Variants in DLEU7 observed in about 807,000 individuals in gnomAD.
DLEU7 encodes the protein deleted in lymphocytic leukemia 7.
A neutral mutation model predicts 16.0 loss-of-function variants in DLEU7; 17 were observed. The ratio of observed to expected loss-of-function variants is 1.06; its 90% confidence interval spans 0.73 to 1.59. The LOEUF is 1.59. Among genes scored for constraint, DLEU7 ranks in the 40% most tolerant of loss-of-function variants. The pLI, the probability that DLEU7 is intolerant of heterozygous loss-of-function variation, is 0.00. For missense variants in DLEU7, 308 were observed against 314.9 expected (o/e 0.98, Z 0.17); for synonymous variants, 113 against 139.8 (o/e 0.81, Z 1.35).
chr13:50,787,568 T>C (rs1158334004), intron 1 of DLEU7, among the ~76,000 whole-genome samples: 1 of 152,090 alleles, frequency 6.6e-6, no homozygotes, highest in Non-Finnish European at 1.5e-5. Context: ...CCTTGCATCT[T>C]TGCTGACACC....
At chr13:50,787,634 C>G (rs528520367) in intron 1 of DLEU7, among the ~76,000 whole-genome samples, 23 of 152,168 alleles carry the variant, frequency 1.5e-4, no homozygotes, top group African/African-American at 5.3e-4. Flanking sequence ...CCCTGCTGTT[C>G]CTACTTTCCA....
chr13:50,725,132 T>C (rs1277653607), intron 1 of DLEU7, among the ~76,000 whole-genome samples: 1 of 152,092 alleles, frequency 6.6e-6, no homozygotes, highest in Non-Finnish European at 1.5e-5. Flanking sequence ...CTCTCCCTGG[T>C]GCCAGCAGTG....
chr13:50,831,277 T>C (rs1323693565), intron 1 of DLEU7, among the ~76,000 whole-genome samples: 1 of 152,098 alleles, frequency 6.6e-6, no homozygotes, highest in African/African-American at 2.4e-5. Context: ...AAGATTAAGG[T>C]TCAACAACAA....
At chr13:50,743,633 A>C (rs925570655) in intron 1 of DLEU7, among the ~76,000 whole-genome samples, 2 of 152,206 alleles carry the variant, frequency 1.3e-5, no homozygotes. Context: ...AATTAATTAG[A>C]CTTCGAGCAG....
chr13:50,808,142 A>C (rs1488535089), intron 1 of DLEU7, among the ~76,000 whole-genome samples: 2 of 152,210 alleles, frequency 1.3e-5, no homozygotes, highest in Non-Finnish European at 2.9e-5. Flanking sequence ...TATGTGCATC[A>C]AGGCAAAAAA....
At chr13:50,733,668 A>G (rs1873983953) in intron 1 of DLEU7, among the ~76,000 whole-genome samples, 1 of 152,150 alleles carries the variant, frequency 6.6e-6, no homozygotes, top group African/African-American at 2.4e-5. Context: ...TGATCACACT[A>G]GAGACATTCT....
chr13:50,819,746 G>A (rs1163735685), downstream of DLEU7, among the ~76,000 whole-genome samples: 1 of 152,108 alleles, frequency 6.6e-6, no homozygotes, highest in East Asian at 1.9e-4. Context: ...AGCAGTCTTG[G>A]GAATCCATAA....
intron 1 of DLEU7, among the ~76,000 whole-genome samples, chr13:50,764,513 G>A (rs1416305300): frequency 6.6e-6 from 1 of 152,204 alleles, no homozygotes; most frequent in Non-Finnish European, 1.5e-5. Flanking sequence ...AACGCAGTGA[G>A]TCAAAAGAAT....
At chr13:50,742,410 C>A (rs186624568) in intron 1 of DLEU7, among the ~76,000 whole-genome samples, 1 of 152,226 alleles carries the variant, frequency 6.6e-6, no homozygotes, top group East Asian at 1.9e-4. Flanking sequence ...CCTAAAATGG[C>A]GTAATTGACC....
intron 1 of DLEU7, among the ~76,000 whole-genome samples, chr13:50,733,642 T>A (rs1367509234): frequency 1.3e-5 from 2 of 152,142 alleles, no homozygotes; most frequent in East Asian, 3.9e-4. Context: ...CTGTCTCATA[T>A]CTCTCAATCT....
intron 1 of DLEU7, among the ~76,000 whole-genome samples, chr13:50,754,771 T>G (rs1874702114): frequency 6.6e-6 from 1 of 152,220 alleles, no homozygotes; most frequent in Non-Finnish European, 1.5e-5. Flanking sequence ...ATTGTATTTT[T>G]GTATTATAGG....
At chr13:50,727,989 T>A (rs1235453597) in intron 1 of DLEU7, among the ~76,000 whole-genome samples, 1 of 152,214 alleles carries the variant, frequency 6.6e-6, no homozygotes, top group East Asian at 1.9e-4. Context: ...GGGTGGTGCC[T>A]GAGAGTTTGC....
rs567639121 is a variant in DLEU7, at chr13:50,718,333, G to T, written c.460-5093C>A. Among the ~76,000 whole-genome samples, 6 of 152,198 alleles carry T rather than the reference G, an allele frequency of 3.9e-5. No homozygotes were observed. The East Asian group carries it at 1.2e-3, about 29-fold the overall frequency. ...GGCTTTGAGACAGTGGAACCATTTG[G>T]GTGCCATTTAAATTTAAAGAAGGAA... On this transcript the variant is annotated intron_variant, in intron 1 of 1. Coordinates refer to the DLEU7 transcript ENST00000400393.
chr13:50,815,356 C>A (rs905622916), intron 1 of DLEU7, among the ~76,000 whole-genome samples: 2 of 151,994 alleles, frequency 1.3e-5, no homozygotes, highest in Admixed American at 6.6e-5. Context: ...TCTTTTAAAC[C>A]TATATATCAG....
rs1566263981 is a variant in DLEU7, at chr13:50,822,939, A to G, written c.*375T>C. ...GAACCATGGAACTTTAATTATATAA[A>G]TAACCACATTAAACCCTTTAGACCT... On this transcript the variant is annotated 3_prime_UTR_variant, in exon 2 of 2. Transcript: ENST00000504404. 1 of 971,742 alleles carries G rather than the reference A, an allele frequency of 1.0e-6. No homozygotes were observed. The highest frequency in any genetic ancestry group is 4.6e-5 in the South Asian group (1 of 21,890). 60.2% of individuals were successfully genotyped at this position (971,742 alleles called of 1,614,324 possible).
intron 1 of DLEU7, among the ~76,000 whole-genome samples, chr13:50,725,507 AC>A (rs1380058478): frequency 1.3e-5 from 2 of 152,192 alleles, no homozygotes; most frequent in African/African-American, 2.4e-5. Context: ...CAGCTGCTCC[AC>A]CCCTAGGGCT....
Position 50,788,963 on chromosome 13 carries a change from A to T in DLEU7, c.459+54225T>A, listed in dbSNP as rs185819945. Among the ~76,000 whole-genome samples the T allele has an allele frequency of 1.1e-3, 160 of 152,278 alleles. 2 individuals carry two copies. In the Middle Eastern group the frequency reaches 0.027, roughly 26 times the overall value. On this transcript the variant is annotated intron_variant, in intron 1 of 1. Transcript: ENST00000400393. ...ATCGAGGAAAGAGCAGCTTCTAGGA[A>T]GTCCGCAGCCGAGTGAAGTTTATTT...
intron 1 of DLEU7, among the ~76,000 whole-genome samples, chr13:50,804,350 T>C (rs899664622): frequency 6.6e-6 from 1 of 152,044 alleles, no homozygotes. Context: ...GAATATAATA[T>C]ACTTTTATAT....
chr13:50,815,545 A>C (rs1876707978), intron 1 of DLEU7, among the ~76,000 whole-genome samples: 1 of 152,138 alleles, frequency 6.6e-6, no homozygotes, highest in African/African-American at 2.4e-5. Context: ...GAGCAGGTTC[A>C]TTCATTAAAA....
Sources: allele counts gnomAD v4.1 joint callset (sites outside exome capture counted in the v4.1 genomes callset), GRCh38; gene constraint gnomAD v4.1.1; transcripts MANE v1.5; gene names NCBI Gene and HGNC (gene_info 2026-07-23, HGNC 2026-07-21).